The following AGAP1 variants were observed in gnomAD, a reference collection of about 807,000 sequenced individuals.
AGAP1 encodes the protein ArfGAP with GTPase domain, ankyrin repeat and PH domain 1, also known as arf-GAP with GTPase, ANK repeat and PH domain-containing protein 1.
Under a neutral mutation model 105.3 loss-of-function variants are expected in AGAP1, and 29 were observed. The observed-to-expected ratio is 0.28, with a 90% CI of 0.21 to 0.38. The LOEUF (loss-of-function observed/expected upper bound fraction) is 0.38, where lower values mean the gene tolerates loss of function less well. Ranked by LOEUF, AGAP1 falls within the 10% of genes least tolerant of loss-of-function variation. The probability of loss-of-function intolerance (pLI) is 1.00; values close to 1 mark genes in which losing one functional copy is unlikely to be tolerated. For missense variants in AGAP1, 998 were observed against 1,165.1 expected (o/e 0.86, Z 2.09); for synonymous variants, 509 against 485.9 (o/e 1.05, Z -0.63).
chr2:236,083,087 A>G lies in AGAP1; in HGVS notation c.2114+33806A>G, dbSNP rs1255759763. Among the ~76,000 whole-genome samples, 2 of 151,592 alleles carry G rather than the reference A, an allele frequency of 1.3e-5. No individual in the cohort carries two copies. The highest frequency in any genetic ancestry group is 1.9e-4 in the East Asian group (1 of 5,130). On this transcript the variant is annotated intron_variant, in intron 16 of 17. Coordinates refer to ENST00000304032, the MANE Select transcript of AGAP1 (RefSeq NM_001037131.3). This position sits in a 1 kb window ranked among gnomAD's most constrained non-coding sequence, Gnocchi z 5.3. ...GGAGAATCACTTGAACCTGGGAGGC[A>G]TAGGTTGCAGTGAGCCGAGATCACG...
chr2:235,640,819 CT>C (rs1947165805), intron 1 of AGAP1, among the ~76,000 whole-genome samples: 1 of 152,188 alleles, frequency 6.6e-6, no homozygotes, highest in African/African-American at 2.4e-5. Flanking sequence ...AATTCTTTTT[CT>C]TTCCACTTGA....
Position 235,879,285 on chromosome 2 carries a change from T to C in AGAP1, c.1051-4060T>C, listed in dbSNP as rs1010535708. Among the ~76,000 whole-genome samples, 5 of 152,152 alleles carry C rather than the reference T, an allele frequency of 3.3e-5. No homozygotes were observed. Among genetic ancestry groups the C allele is most frequent in the Admixed American group, 3.3e-4 (5 of 15,282 alleles). ...CCAGCCACTGAAAGAAAAGTGCACC[T>C]GCCCCAGCCCAGCTAGACCACAGCC... On this transcript the variant is annotated intron_variant, in intron 9 of 17. Transcript: ENST00000304032. This position sits in a 1 kb window ranked among gnomAD's most constrained non-coding sequence, Gnocchi z 5.0.
rs2059896997 is a variant in AGAP1 at position 236,121,461 on chromosome 2, C to T, written c.2370+1014C>T. On this transcript the variant is annotated intron_variant, in intron 17 of 17. Coordinates refer to ENST00000304032, the MANE Select transcript of AGAP1 (RefSeq NM_001037131.3). This position sits in a 1 kb window ranked among gnomAD's most constrained non-coding sequence, Gnocchi z 4.9. ...GATTACAGGTGCGCACCACCACGCCCAGCTAATTTTTGTATTTTTAGTAGA... is the reference window on the plus strand; with the variant it reads ...GATTACAGGTGCGCACCACCACGCCTAGCTAATTTTTGTATTTTTAGTAGA... Among the ~76,000 whole-genome samples, 2 of 152,092 alleles carry T rather than the reference C, an allele frequency of 1.3e-5. No individual in the cohort carries two copies. The highest frequency in any genetic ancestry group is 4.1e-4 in the South Asian group (2 of 4,820).
chr2:235,921,301 A>G (rs150364777), intron 11 of AGAP1, among the ~76,000 whole-genome samples: 187 of 152,366 alleles, frequency 1.2e-3, no homozygotes, highest in African/African-American at 4.4e-3. Flanking sequence ...TGGTTAGGAA[A>G]TCATATTAAA....
At chr2:236,054,499 A>G (rs988060336) in intron 16 of AGAP1, among the ~76,000 whole-genome samples, 26 of 143,666 alleles carry the variant, frequency 1.8e-4, no homozygotes, top group African/African-American at 5.0e-4. Context: ...AAAAAAAAAA[A>G]GGGAGGGGGA....
chr2:235,604,049 A>G (rs899531693), intron 1 of AGAP1, among the ~76,000 whole-genome samples: 5 of 151,220 alleles, frequency 3.3e-5, no homozygotes, highest in African/African-American at 1.2e-4. Flanking sequence ...GAAGCTCTCC[A>G]GCCATGTGAT....
At position 235,769,222 on chromosome 2, in the gene AGAP1, G is replaced by A. The variant is rs551981290; in HGVS notation, c.673+18734G>A. ...CCAGGCGTGTCTTTTGTCCCCCAGTGCCTGGCACGGTGCCCTCCAGGAGTA... is the reference window on the plus strand; with the variant it reads ...CCAGGCGTGTCTTTTGTCCCCCAGTACCTGGCACGGTGCCCTCCAGGAGTA... On this transcript the variant is annotated intron_variant, in intron 6 of 17. Transcript: ENST00000304032. This position sits in a 1 kb window ranked among gnomAD's most constrained non-coding sequence, Gnocchi z 4.4. 3.3e-5 allele frequency among the ~76,000 whole-genome samples: 5 copies of A among 152,300 alleles called. No homozygotes were observed. The highest frequency in any genetic ancestry group is 3.3e-4 in the Admixed American group (5 of 15,310).
In AGAP1 at chr2:235,940,507, G is replaced by A. The variant is rs114799786; in HGVS notation, c.1483+9584G>A. 3.4e-3 allele frequency among the ~76,000 whole-genome samples: 521 copies of A among 152,262 alleles called. 3 individuals carry two copies. The highest frequency in any genetic ancestry group is 0.012 in the African/African-American group (498 of 41,558). Reference sequence around the variant, plus strand: ...CCAGCCGGCGGCTTTGCTGAGATCTGGGATGAGTCATCCACCAGATAGTTC... The same window carrying A: ...CCAGCCGGCGGCTTTGCTGAGATCTAGGATGAGTCATCCACCAGATAGTTC... On this transcript the variant is annotated intron_variant, in intron 12 of 17. Transcript: ENST00000304032.
rs904957045 is a variant in AGAP1 at position 235,888,684 on chromosome 2, G to A, written c.1155+5235G>A. Among the ~76,000 whole-genome samples, 3 of 151,332 alleles carry A rather than the reference G, an allele frequency of 2.0e-5. No homozygotes were observed. Among genetic ancestry groups the A allele is most frequent in the South Asian group, 2.1e-4 (1 of 4,780 alleles). On this transcript the variant is annotated intron_variant, in intron 10 of 17. Transcript: ENST00000304032. This position sits in a 1 kb window ranked among gnomAD's most constrained non-coding sequence, Gnocchi z 4.8. ...CGTGCCACTGCACTCCAGCTTGGGC[G>A]ACCATGCAAGACCCTGTCTTTAAAA...
chr2:235,595,429 T>C (rs1945494572), intron 1 of AGAP1, among the ~76,000 whole-genome samples: 1 of 152,190 alleles, frequency 6.6e-6, no homozygotes, highest in African/African-American at 2.4e-5. Flanking sequence ...CAGCTTACTC[T>C]CACTCCTGGG....
intron 16 of AGAP1, among the ~76,000 whole-genome samples, chr2:236,066,906 T>G (rs1189102236): frequency 1.3e-5 from 2 of 152,254 alleles, no homozygotes; most frequent in Non-Finnish European, 1.5e-5. Context: ...ATATGGTATA[T>G]ACGTTTTTGT....
At position 235,977,193 on chromosome 2, in the gene AGAP1, G is replaced by A. The variant is rs1442375599; in HGVS notation, c.1645+8570G>A. Among the ~76,000 whole-genome samples, 3 of 152,024 alleles carry A rather than the reference G, an allele frequency of 2.0e-5. No individual in the cohort carries two copies. The highest frequency in any genetic ancestry group is 1.9e-4 in the East Asian group (1 of 5,176). ...TGTGTGCACCCTGGGATTGGAATTC[G>A]GGCTAGCTTGGGAGACCCTGCATTG... On this transcript the variant is annotated intron_variant, in intron 13 of 17. Coordinates refer to ENST00000304032, the MANE Select transcript of AGAP1 (RefSeq NM_001037131.3). This position sits in a 1 kb window ranked among gnomAD's most constrained non-coding sequence, Gnocchi z 5.2.
chr2:235,944,013 A>G (rs1488436015), intron 12 of AGAP1, among the ~76,000 whole-genome samples: 1 of 152,208 alleles, frequency 6.6e-6, no homozygotes, highest in Non-Finnish European at 1.5e-5. Flanking sequence ...GTTATTTTTA[A>G]TGACTTAAAA....
rs1049983781 is a variant in AGAP1, at chr2:235,872,779, T to C, written c.1051-10566T>C. The stretch of plus-strand genomic sequence containing the variant: ...GCGACGGGCCCCCTGTCTTCCCCGA[T>C]TGGTTTCCATTTAGCTGCTGCACAT... On this transcript the variant is annotated intron_variant, in intron 9 of 17. Coordinates refer to ENST00000304032, the MANE Select transcript of AGAP1 (RefSeq NM_001037131.3). This position sits in a 1 kb window ranked among gnomAD's most constrained non-coding sequence, Gnocchi z 4.5. Among the ~76,000 whole-genome samples the C allele has an allele frequency of 5.3e-5, 8 of 152,166 alleles. No homozygotes were observed. The highest frequency in any genetic ancestry group is 1.2e-4 in the Non-Finnish European group (8 of 68,030).
chr2:235,797,732 A>G, intron 6 of AGAP1, 27 bp from the exon 7 acceptor site: 7 of 1,613,818 alleles, frequency 4.3e-6, no homozygotes, highest in Non-Finnish European at 5.9e-6. Flanking sequence ...ATTGACATGG[A>G]TTTCTTTTTG....
intron 6 of AGAP1, among the ~76,000 whole-genome samples, chr2:235,771,018 G>T (rs1410470032): frequency 6.6e-6 from 1 of 152,238 alleles, no homozygotes; most frequent in Non-Finnish European, 1.5e-5. Context: ...GAGCAGAGGA[G>T]TTTGAAGATG....
chr2:235,725,536 C>A lies in AGAP1; in HGVS notation c.310+7892C>A, dbSNP rs533823216. On this transcript the variant is annotated intron_variant, in intron 3 of 17. Coordinates refer to ENST00000304032, the MANE Select transcript of AGAP1 (RefSeq NM_001037131.3). This position sits in a 1 kb window ranked among gnomAD's most constrained non-coding sequence, Gnocchi z 5.7. ...AAAAAAAAAAACACCTGTAATACTCCAGTAACATTTGACTAGTCGTGAAAT... is the reference window on the plus strand; with the variant it reads ...AAAAAAAAAAACACCTGTAATACTCAAGTAACATTTGACTAGTCGTGAAAT... 6.6e-6 allele frequency among the ~76,000 whole-genome samples: 1 copy of A among 151,852 alleles called. No individual in the cohort carries two copies. The highest frequency in any genetic ancestry group is 2.4e-5 in the African/African-American group (1 of 41,444).
Position 235,852,374 on chromosome 2 carries a change from G to A in AGAP1, c.1051-30971G>A, listed in dbSNP as rs761952582. On this transcript the variant is annotated intron_variant, in intron 9 of 17. Coordinates refer to ENST00000304032, the MANE Select transcript of AGAP1 (RefSeq NM_001037131.3). Reference sequence around the variant, plus strand: ...AGCGAGGGAGCAGGGCCCTCCTAGCGTGCGCGGAGGGGGCTTGGGGTGGAA... The same window carrying A: ...AGCGAGGGAGCAGGGCCCTCCTAGCATGCGCGGAGGGGGCTTGGGGTGGAA... Among the ~76,000 whole-genome samples the A allele has an allele frequency of 7.2e-5, 11 of 152,292 alleles. No individual in the cohort carries two copies. In the East Asian group the frequency reaches 9.7e-4, roughly 13 times the overall value.
chr2:235,999,490 A>AGGT (rs1238915882), intron 13 of AGAP1, among the ~76,000 whole-genome samples: 37 of 124,652 alleles, frequency 3.0e-4, no homozygotes, highest in Admixed American at 8.0e-5. Flanking sequence ...CGATGGTGAG[A>AGGT]GGTGGTGGTG....
Sources: allele counts gnomAD v4.1 joint callset (sites outside exome capture counted in the v4.1 genomes callset), GRCh38; gene constraint gnomAD v4.1.1; non-coding constraint Gnocchi (gnomAD v3.1); transcripts MANE v1.5; gene names NCBI Gene and HGNC (gene_info 2026-07-23, HGNC 2026-07-21).